DNER: variants seen among roughly 807,000 people sequenced by gnomAD.
DNER encodes delta and Notch-like epidermal growth factor-related receptor.
DNER carries 33 observed loss-of-function variants against 78.2 expected under a neutral mutation model. That is an observed-to-expected ratio of 0.42 (90% CI 0.32 to 0.56). The LOEUF (loss-of-function observed/expected upper bound fraction) is 0.56, where lower values mean the gene tolerates loss of function less well. Ranked by LOEUF, DNER falls within the 20% of genes least tolerant of loss-of-function variation. The probability of loss-of-function intolerance (pLI) is 0.11; values close to 1 mark genes in which losing one functional copy is unlikely to be tolerated. For synonymous variants in DNER, 417 were observed against 384.8 expected, an observed-to-expected ratio of 1.08 and a Z score of -0.98; for missense variants, 918 against 975.3, an observed-to-expected ratio of 0.94 and a Z score of 0.78.
intron 7 of DNER, among the ~76,000 whole-genome samples, chr2:229,468,482 C>T (rs1308350911): frequency 2.6e-5 from 4 of 152,120 alleles, no homozygotes; most frequent in Admixed American, 1.3e-4. Flanking sequence ...GGTAATCTGG[C>T]TCAACCAGTT....
intron 5 of DNER, among the ~76,000 whole-genome samples, chr2:229,513,783 C>G (rs1455135978): frequency 1.3e-5 from 2 of 152,120 alleles, no homozygotes; most frequent in African/African-American, 4.8e-5. Flanking sequence ...TTAAGAAAAT[C>G]TAAACAAAAC....
At chr2:229,508,237 A>C (rs529117537) in intron 6 of DNER, among the ~76,000 whole-genome samples, 2 of 152,368 alleles carry the variant, frequency 1.3e-5, no homozygotes, top group East Asian at 1.9e-4. Flanking sequence ...ATATTAGTGC[A>C]ACACTTGGGA....
intron 4 of DNER, among the ~76,000 whole-genome samples, chr2:229,579,429 T>C (rs144696229): frequency 6.6e-6 from 1 of 152,292 alleles, no homozygotes; most frequent in East Asian, 1.9e-4. Flanking sequence ...TATAAATAAA[T>C]AATTTAATTT....
At chr2:229,453,014 TGA>T (rs1277104777) in intron 7 of DNER, among the ~76,000 whole-genome samples, 1 of 152,240 alleles carries the variant, frequency 6.6e-6, no homozygotes, top group African/African-American at 2.4e-5. Flanking sequence ...CTTCTCTGTG[TGA>T]GTTAATGTTA....
At chr2:229,643,644 C>T (rs187272705) in intron 1 of DNER, among the ~76,000 whole-genome samples, 74 of 152,280 alleles carry the variant, frequency 4.9e-4, no homozygotes, top group Admixed American at 9.2e-4. Flanking sequence ...ATGATAGTAA[C>T]AATGCCTACC....
At chr2:229,438,375 T>C (rs1694165998) in intron 8 of DNER, among the ~76,000 whole-genome samples, 1 of 152,190 alleles carries the variant, frequency 6.6e-6, no homozygotes, top group African/African-American at 2.4e-5. Flanking sequence ...CAAACATAAG[T>C]GAGAGCCCAG....
rs999920633 is a variant in DNER at position 229,584,949 on chromosome 2, G to A, written c.847+909C>T. 1.5e-4 allele frequency among the ~76,000 whole-genome samples: 22 copies of A among 151,280 alleles called. No individual in the cohort carries two copies. The East Asian group carries it at 3.7e-3, about 25-fold the overall frequency. ...GAAAAGAAAACAGTTAATTGGACAC[G>A]TGGTAGTTTGAGAAGGTTAAACTAC... is the stretch of plus-strand genomic sequence containing the variant. On this transcript the variant is annotated intron_variant, in intron 4 of 12. Transcript: ENST00000341772.
At chr2:229,587,067 G>T in intron 3 of DNER, 3 of 913,160 alleles carry the variant, frequency 3.3e-6, no homozygotes, top group Non-Finnish European at 3.9e-6. Flanking sequence ...AGAATGGCAG[G>T]TTTGTTGAGA....
chr2:229,494,865 T>C (rs933278300), intron 6 of DNER, among the ~76,000 whole-genome samples: 3 of 152,216 alleles, frequency 2.0e-5, no homozygotes, highest in Non-Finnish European at 2.9e-5. Flanking sequence ...TCCACCTCTA[T>C]TTTCTCTGTC....
At chr2:229,691,264 T>G (rs1026600388) in intron 1 of DNER, among the ~76,000 whole-genome samples, 1 of 152,226 alleles carries the variant, frequency 6.6e-6, no homozygotes, top group African/African-American at 2.4e-5. Context: ...AGATTTTGTA[T>G]TTTATGCAGT....
At chr2:229,613,692 G>A (rs1461043480) in intron 1 of DNER, among the ~76,000 whole-genome samples, 4 of 151,078 alleles carry the variant, frequency 2.6e-5, no homozygotes, top group Non-Finnish European at 4.4e-5. Flanking sequence ...TTACTTTAAA[G>A]GAAAGACGTT....
intron 7 of DNER, among the ~76,000 whole-genome samples, chr2:229,476,568 C>T (rs924906767): frequency 6.6e-6 from 1 of 152,102 alleles, no homozygotes; most frequent in Admixed American, 6.5e-5. Context: ...TAATCCCTTC[C>T]ATAACATCCC....
intron 10 of DNER, among the ~76,000 whole-genome samples, chr2:229,390,846 C>G (rs1028306782): frequency 1.3e-5 from 2 of 152,220 alleles, no homozygotes; most frequent in Non-Finnish European, 2.9e-5. Flanking sequence ...TAGGTTTATT[C>G]TAATGGCCTC....
intron 6 of DNER, among the ~76,000 whole-genome samples, chr2:229,486,324 A>G (rs1018467929): frequency 2.0e-5 from 3 of 152,170 alleles, no homozygotes; most frequent in African/African-American, 7.2e-5. Flanking sequence ...AAGCCCATCT[A>G]TGAAAGACAA....
chr2:229,595,482 A>C (rs1452454555), intron 1 of DNER, among the ~76,000 whole-genome samples: 2 of 152,118 alleles, frequency 1.3e-5, no homozygotes, highest in East Asian at 3.9e-4. Flanking sequence ...AGGTTTCACC[A>C]TGTTGGCCAG....
intron 10 of DNER, among the ~76,000 whole-genome samples, chr2:229,406,289 G>C (rs547473885): frequency 7.9e-5 from 12 of 152,154 alleles, no homozygotes; most frequent in Admixed American, 1.3e-4. Context: ...ACCTTCTTCT[G>C]TGGGTACTTG....
At chr2:229,368,466 T>C (rs1428645484) in intron 11 of DNER, among the ~76,000 whole-genome samples, 1 of 152,058 alleles carries the variant, frequency 6.6e-6, no homozygotes, top group Non-Finnish European at 1.5e-5. Flanking sequence ...AGTCAAAAAA[T>C]AAAAATCTAA....
chr2:229,508,648 G>A (rs1008799000), intron 6 of DNER, among the ~76,000 whole-genome samples: 60 of 152,118 alleles, frequency 3.9e-4, no homozygotes, highest in African/African-American at 1.4e-3. Context: ...TTGGGAGGCC[G>A]AGACGGGCAG....
chr2:229,585,027 G>T (rs1697473598), intron 4 of DNER, among the ~76,000 whole-genome samples: 1 of 152,142 alleles, frequency 6.6e-6, no homozygotes, highest in Admixed American at 6.6e-5. Context: ...TGCAGGAGGG[G>T]TGGTTATGGA....
Sources: allele counts gnomAD v4.1 joint callset (sites outside exome capture counted in the v4.1 genomes callset), GRCh38; gene constraint gnomAD v4.1.1; transcripts MANE v1.5; gene names NCBI Gene and HGNC (gene_info 2026-07-23, HGNC 2026-07-21).